Variants in C8orf34 observed in about 807,000 individuals in gnomAD.
C8orf34 encodes chromosome 8 open reading frame 34, also known as uncharacterized protein C8orf34.
Under a neutral mutation model 68.3 loss-of-function variants are expected in C8orf34, and 65 were observed. The ratio of observed to expected loss-of-function variants is 0.95; its 90% confidence interval spans 0.78 to 1.17. The LOEUF (loss-of-function observed/expected upper bound fraction) is 1.17, where lower values mean the gene tolerates loss of function less well. C8orf34 is among the 50% of genes most tolerant of loss of function. C8orf34 has a pLI of 0.00. For missense variants in C8orf34, 664 were observed against 655.4 expected, an observed-to-expected ratio of 1.01 and a Z score of -0.14; for synonymous variants, 244 against 241.2, an observed-to-expected ratio of 1.01 and a Z score of -0.11.
At position 68,688,790 on chromosome 8, in the gene C8orf34, C is replaced by T. The variant is rs138628324; in HGVS notation, c.1242-20204C>T. 5.3e-5 allele frequency among the ~76,000 whole-genome samples: 8 copies of T among 152,014 alleles called. No individual in the cohort carries two copies. The East Asian group carries it at 9.7e-4, about 18-fold the overall frequency. On this transcript the variant is annotated intron_variant, in intron 8 of 13. Transcript: ENST00000518698. ...ATAAGTGGGAGCTGAACAACGAGAACGTGGACATAGAAAGGGGAACAACAC... is the reference window on the plus strand; with the variant it reads ...ATAAGTGGGAGCTGAACAACGAGAATGTGGACATAGAAAGGGGAACAACAC...
chr8:68,704,785 A>C (rs1821117410), intron 8 of C8orf34, among the ~76,000 whole-genome samples: 1 of 150,110 alleles, frequency 6.7e-6, no homozygotes, highest in Non-Finnish European at 1.5e-5. Context: ...TTATACTCCT[A>C]AAATATTGAG....
At chr8:68,546,406 C>CT (rs1815881893) in intron 7 of C8orf34, among the ~76,000 whole-genome samples, 1 of 151,504 alleles carries the variant, frequency 6.6e-6, no homozygotes, top group African/African-American at 2.4e-5. Flanking sequence ...AGAGTTATAG[C>CT]TTAATGATAA....
chr8:68,644,792 C>T (rs991457481), intron 8 of C8orf34, among the ~76,000 whole-genome samples: 1 of 152,146 alleles, frequency 6.6e-6, no homozygotes, highest in African/African-American at 2.4e-5. Flanking sequence ...ACAGAGTGAG[C>T]CAGTCAGAAA....
chr8:68,476,858 G>A (rs1812641196), intron 4 of C8orf34, among the ~76,000 whole-genome samples: 1 of 152,206 alleles, frequency 6.6e-6, no homozygotes, highest in Admixed American at 6.5e-5. Flanking sequence ...TAAGTTGGCT[G>A]AAACTGGCTT....
At chr8:68,570,000 G>A (rs1235920910) in intron 7 of C8orf34, among the ~76,000 whole-genome samples, 2 of 152,124 alleles carry the variant, frequency 1.3e-5, no homozygotes, top group Non-Finnish European at 2.9e-5. Context: ...GCCTTCCCCA[G>A]ACTGAGTCTC....
Position 68,668,392 on chromosome 8 carries a change from G to A in C8orf34, c.1241+27881G>A, listed in dbSNP as rs1348130881. Among the ~76,000 whole-genome samples the A allele has an allele frequency of 2.6e-5, 4 of 152,236 alleles. No homozygotes were observed. In the East Asian group the frequency reaches 7.7e-4, roughly 29 times the overall value. On this transcript the variant is annotated intron_variant, in intron 8 of 13. Coordinates refer to ENST00000518698, the MANE Select transcript of C8orf34 (RefSeq NM_052958.4). ...AAGAAAAAATATACTTATTTTTGTT[G>A]CTCAAAAAAGCAGGACTGGCACTAA...
rs1824887453 is a variant in C8orf34, at chr8:68,818,517, T to A, written c.*271T>A. 1 of 346,918 alleles carries A rather than the reference T, an allele frequency of 2.9e-6. No individual in the cohort carries two copies. Among genetic ancestry groups the A allele is most frequent in the Non-Finnish European group, 5.2e-6 (1 of 192,730 alleles). The allele number at this position is 346,918 out of a possible 1,614,324, so 21.5% of individuals were successfully genotyped here. A position where few individuals can be genotyped will look rare whatever the true frequency, so the allele number is the denominator to read the frequency against. On this transcript the variant is annotated 3_prime_UTR_variant, in exon 14 of 14. Transcript: ENST00000518698. Reference sequence around the variant, plus strand: ...GTTTAGATTACTTTATAAATAGTTATTAAGATTAATATTTGATATATTAAA... The same window carrying A: ...GTTTAGATTACTTTATAAATAGTTAATAAGATTAATATTTGATATATTAAA...
intron 7 of C8orf34, among the ~76,000 whole-genome samples, chr8:68,593,114 T>G (rs1358678368): frequency 6.6e-6 from 1 of 152,126 alleles, no homozygotes; most frequent in Non-Finnish European, 1.5e-5. Context: ...ATTGGAAATA[T>G]TTGCTAAATG....
intron 7 of C8orf34, among the ~76,000 whole-genome samples, chr8:68,589,298 A>G (rs1223021440): frequency 2.0e-5 from 3 of 152,060 alleles, no homozygotes; most frequent in African/African-American, 4.8e-5. Context: ...CTTCTCTTCT[A>G]TTTAGCCAGA....
chr8:68,381,966 T>C (rs1371901896), intron 1 of C8orf34, among the ~76,000 whole-genome samples: 1 of 152,190 alleles, frequency 6.6e-6, no homozygotes, highest in East Asian at 1.9e-4. Flanking sequence ...AATGCACATA[T>C]ATATTTGGTA....
chr8:68,658,827 A>G (rs778163238), intron 8 of C8orf34, among the ~76,000 whole-genome samples: 3 of 152,128 alleles, frequency 2.0e-5, no homozygotes, highest in Non-Finnish European at 4.4e-5. Context: ...TCCCCATGCA[A>G]TACCATTTTG....
chr8:68,594,192 T>C (rs1817476458), intron 7 of C8orf34, among the ~76,000 whole-genome samples: 1 of 152,060 alleles, frequency 6.6e-6, no homozygotes, highest in East Asian at 1.9e-4. Flanking sequence ...GGATCTTGGG[T>C]ATAGTAAAGG....
chr8:68,597,744 G>C (rs4439109), intron 7 of C8orf34, among the ~76,000 whole-genome samples: 78,137 of 152,008 alleles, frequency 0.51, 20,344 homozygotes, highest in Non-Finnish European at 0.53. Context: ...TTTAAACCCA[G>C]GTTAAGCCTT....
chr8:68,423,394 C>T (rs933129771), intron 1 of C8orf34, among the ~76,000 whole-genome samples: 2 of 152,144 alleles, frequency 1.3e-5, no homozygotes, highest in African/African-American at 4.8e-5. Flanking sequence ...AACTTTACTC[C>T]AGTTTCCAAC....
chr8:68,555,029 T>C (rs1262334226), intron 7 of C8orf34, among the ~76,000 whole-genome samples: 4 of 152,168 alleles, frequency 2.6e-5, no homozygotes, highest in African/African-American at 9.6e-5. Context: ...CTTTTTTATG[T>C]TTACACTTTT....
intron 2 of C8orf34, 51 bp from the exon 3 acceptor site, chr8:68,446,278 T>C: frequency 6.7e-7 from 1 of 1,494,772 alleles, no homozygotes; most frequent in Non-Finnish European, 9.0e-7. Context: ...TGGTTTTTGC[T>C]CAATCTTGAA....
At chr8:68,750,584 TTAAAA>T (rs1822676851) in intron 10 of C8orf34, among the ~76,000 whole-genome samples, 1 of 152,134 alleles carries the variant, frequency 6.6e-6, no homozygotes. Flanking sequence ...AATCTTAACT[TTAAAA>T]TATAAAACGG....
chr8:68,762,456 T>C (rs879683853), intron 10 of C8orf34, among the ~76,000 whole-genome samples: 4 of 152,234 alleles, frequency 2.6e-5, no homozygotes, highest in Admixed American at 2.6e-4. Context: ...TCAATTAACA[T>C]TGAAAGTCCA....
intron 8 of C8orf34, among the ~76,000 whole-genome samples, chr8:68,648,737 G>T (rs1819254364): frequency 6.6e-6 from 1 of 152,184 alleles, no homozygotes; most frequent in Non-Finnish European, 1.5e-5. Flanking sequence ...GGAGAAACTT[G>T]TTCCTAAATA....
Sources: gnomAD v4.1 joint callset for allele counts (sites outside exome capture counted in the v4.1 genomes callset) on GRCh38, gnomAD v4.1.1 for gene constraint, MANE v1.5 for transcripts, NCBI Gene and HGNC (gene_info 2026-07-23, HGNC 2026-07-21) for gene names.